The following ADGRB1 variants were observed in gnomAD, a reference collection of about 807,000 sequenced individuals.
The protein encoded by ADGRB1 is adhesion G protein-coupled receptor B1, also known as brain-specific angiogenesis inhibitor 1.
ADGRB1 carries 36 observed loss-of-function variants against 175.7 expected under a neutral mutation model. The observed-to-expected ratio is 0.20, with a 90% CI of 0.16 to 0.27. The LOEUF is 0.27. Ranked by LOEUF, ADGRB1 falls within the 10% of genes least tolerant of loss-of-function variation. The pLI is 1.00. For synonymous variants in ADGRB1, 1,054 were observed against 979.4 expected (o/e 1.08, Z -1.42); for missense variants, 1,731 against 2,255.3 (o/e 0.77, Z 4.71).
In ADGRB1 at chr8:142,510,535, CT is replaced by C. The variant is rs1355980198; in HGVS notation, c.2676-396del. Among the ~76,000 whole-genome samples, 1 of 150,262 alleles carries C rather than the reference CT, an allele frequency of 6.7e-6. No homozygotes were observed. The highest frequency in any genetic ancestry group is 1.5e-5 in the Non-Finnish European group (1 of 67,408). On this transcript the variant is annotated intron_variant, in intron 17 of 30. Transcript: ENST00000517894. The surrounding 1 kb of genome is among the most constrained non-coding windows in gnomAD (Gnocchi z 6.3). ...CCGCTCCACGTGCGCCCACGCGCCC[CT>C]CCGGGCCTCCCCCTCCTTCCCGCGC... is the stretch of plus-strand genomic sequence containing the variant.
intron 25 of ADGRB1, among the ~76,000 whole-genome samples, chr8:142,534,781 A>G (rs905990997): frequency 1.3e-5 from 2 of 152,216 alleles, no homozygotes; most frequent in Non-Finnish European, 2.9e-5. Context: ...GCCCCTTCTT[A>G]TCCTCACCTG....
intron 24 of ADGRB1, among the ~76,000 whole-genome samples, chr8:142,528,139 GCA>G (rs1175757625): frequency 6.6e-6 from 1 of 152,224 alleles, no homozygotes; most frequent in Non-Finnish European, 1.5e-5. Flanking sequence ...ACACGCATGG[GCA>G]CACACACGTG....
At chr8:142,528,472 G>A (rs1043855157) in intron 24 of ADGRB1, among the ~76,000 whole-genome samples, 1 of 152,132 alleles carries the variant, frequency 6.6e-6, no homozygotes, top group Non-Finnish European at 1.5e-5. Flanking sequence ...TTGCACTTTG[G>A]CCCCGCCCCT....
rs1309658105 is a variant in ADGRB1 at position 142,504,870 on chromosome 8, C to T, written c.2676-6062C>T. 6.6e-6 allele frequency among the ~76,000 whole-genome samples: 1 copy of T among 152,096 alleles called. No homozygotes were observed. The highest frequency in any genetic ancestry group is 1.5e-5 in the Non-Finnish European group (1 of 68,002). On this transcript the variant is annotated intron_variant, in intron 17 of 30. Transcript: ENST00000517894. This position sits in a 1 kb window ranked among gnomAD's most constrained non-coding sequence, Gnocchi z 5.6. ...TCCCTGCCTAGCGCCTGAACTCCCC[C>T]ACTGCGGTGTGCTGTGCCCACTCCT...
chr8:142,519,618 GTGA>G (rs1412416754), intron 19 of ADGRB1, among the ~76,000 whole-genome samples: 1 of 151,664 alleles, frequency 6.6e-6, no homozygotes, highest in Non-Finnish European at 1.5e-5. Flanking sequence ...GATGGTGGTG[GTGA>G]TGGTGGTGGT....
intron 18 of ADGRB1, among the ~76,000 whole-genome samples, chr8:142,512,919 G>A (rs930833302): frequency 1.3e-5 from 2 of 152,118 alleles, no homozygotes; most frequent in Non-Finnish European, 2.9e-5. Context: ...GACCCACTAT[G>A]TGCCCCAGTG....
intron 1 of ADGRB1, among the ~76,000 whole-genome samples, chr8:142,454,019 C>T (rs1839513467): frequency 6.6e-6 from 1 of 152,162 alleles, no homozygotes; most frequent in South Asian, 2.1e-4. Context: ...CAGACCTGAG[C>T]CCTGAAGGTC....
intron 24 of ADGRB1, among the ~76,000 whole-genome samples, chr8:142,528,566 C>T (rs764656877): frequency 7.9e-5 from 12 of 152,264 alleles, no homozygotes; most frequent in East Asian, 1.9e-4. Context: ...CGCACCCCCT[C>T]GGGCGCGCCC....
At chr8:142,469,308 T>A (rs1410807863) in intron 2 of ADGRB1, among the ~76,000 whole-genome samples, 1 of 151,374 alleles carries the variant, frequency 6.6e-6, no homozygotes, top group Non-Finnish European at 1.5e-5. Context: ...CGTGCATGTG[T>A]GAATGTAAAT....
intron 24 of ADGRB1, among the ~76,000 whole-genome samples, chr8:142,532,064 G>T (rs1451038099): frequency 2.0e-5 from 3 of 152,168 alleles, no homozygotes; most frequent in Admixed American, 2.0e-4. Context: ...TGGTGTGCCA[G>T]CTCCTGCCTG....
Position 142,542,459 on chromosome 8 carries a change from GC to G in ADGRB1, c.4228del (p.Gln1410SerfsTer58). On this transcript the variant is annotated frameshift_variant, in exon 28 of 31. Transcript: ENST00000517894. LOFTEE classifies it high-confidence loss of function. The surrounding 1 kb of genome is among the most constrained non-coding windows in gnomAD (Gnocchi z 6.3). The part of the protein sequence containing the change: ...PSGGPPEAPP[A>X]QPPPPPPPPP... Reference sequence around the variant, plus strand: ...CGGCGGGCCCCCCGAGGCACCCCCTGCCCAGCCCCCACCGCCTCCGCCCCCA... The same window carrying G: ...CGGCGGGCCCCCCGAGGCACCCCCTGCCAGCCCCCACCGCCTCCGCCCCCA... The G allele has an allele frequency of 2.0e-6, 2 of 1,017,916 alleles. No homozygotes were observed. The highest frequency in any genetic ancestry group is 2.4e-6 in the Non-Finnish European group (2 of 825,258). The allele number at this position is 1,017,916 out of a possible 1,614,324, so 63.1% of individuals were successfully genotyped here. A position where few individuals can be genotyped will look rare whatever the true frequency, so the allele number is the denominator to read the frequency against.
chr8:142,514,432 T>C lies in ADGRB1; in HGVS notation c.2817+3359T>C, dbSNP rs531937284. ...CGGAAGGTTGAGTAACCGCTCTGAG[T>C]CACACCTGTGAGGCGGATGATGCCA... On this transcript the variant is annotated intron_variant, in intron 18 of 30. Coordinates refer to ENST00000517894, the MANE Select transcript of ADGRB1 (RefSeq NM_001702.3). 1.2e-3 allele frequency among the ~76,000 whole-genome samples: 180 copies of C among 152,208 alleles called. 1 individual carries two copies. The Middle Eastern group carries it at 0.024, about 20-fold the overall frequency.
chr8:142,504,765 A>C lies in ADGRB1; in HGVS notation c.2676-6167A>C, dbSNP rs1842775049. On this transcript the variant is annotated intron_variant, in intron 17 of 30. Coordinates refer to ENST00000517894, the MANE Select transcript of ADGRB1 (RefSeq NM_001702.3). The surrounding 1 kb of genome is among the most constrained non-coding windows in gnomAD (Gnocchi z 5.6). ...CGAGCCGCGTGTTGGTTTAAGGGGC[A>C]CTGGGGAGGCCAGCCCATTAAGGCT... is the stretch of plus-strand genomic sequence containing the variant. 6.6e-6 allele frequency among the ~76,000 whole-genome samples: 1 copy of C among 151,978 alleles called. No homozygotes were observed. Among genetic ancestry groups the C allele is most frequent in the South Asian group, 2.1e-4 (1 of 4,826 alleles).
chr8:142,521,862 G>C (rs1434399335), intron 20 of ADGRB1, 103 bp from the exon 21 acceptor site: 11 of 1,359,044 alleles, frequency 8.1e-6, no homozygotes, highest in African/African-American at 1.4e-5. Flanking sequence ...TCCCAGTGAG[G>C]GTGCTGGGTG....
intron 13 of ADGRB1, 123 bp downstream of exon 13, chr8:142,484,887 C>T (rs1478106906): frequency 1.4e-6 from 1 of 733,550 alleles, no homozygotes; most frequent in African/African-American, 1.8e-5. Context: ...GTGGGCCCTC[C>T]CAGCCGATTT....
intron 2 of ADGRB1, among the ~76,000 whole-genome samples, chr8:142,473,284 T>A (rs1050886667): frequency 2.6e-5 from 4 of 152,178 alleles, no homozygotes; most frequent in African/African-American, 2.4e-5. Context: ...CGTGCCACCC[T>A]GACCCATTGT....
At chr8:142,450,828 T>C (rs1410967238) in intron 1 of ADGRB1, among the ~76,000 whole-genome samples, 1 of 152,192 alleles carries the variant, frequency 6.6e-6, no homozygotes, top group Non-Finnish European at 1.5e-5. Flanking sequence ...CGCCTGGCTC[T>C]TCCCTCCTTG....
intron 12 of ADGRB1, among the ~76,000 whole-genome samples, chr8:142,484,399 G>A (rs139679066): frequency 0.012 from 1,795 of 152,278 alleles, 14 homozygotes; most frequent in South Asian, 0.022. Context: ...CTCCTAGCCC[G>A]GGCAGCACCC....
At position 142,526,522 on chromosome 8, in the gene ADGRB1, C is replaced by CCCCCCA; in HGVS notation, c.3313-20_3313-19insCCCCCA. On this transcript the variant is annotated intron_variant, in intron 23 of 30. Transcript: ENST00000517894. Reference sequence around the variant, plus strand: ...ACGGCGGCCCCCACCCCCACACCCCCACCACTCTCTGCCCGGCAGGTGAAC... The same window carrying CCCCCCA: ...ACGGCGGCCCCCACCCCCACACCCCCCCCCCAACCACTCTCTGCCCGGCAGGTGAAC... 4 of 1,543,512 alleles carry CCCCCCA rather than the reference C, an allele frequency of 2.6e-6. No individual in the cohort carries two copies. Among genetic ancestry groups the CCCCCCA allele is most frequent in the Non-Finnish European group, 3.5e-6 (4 of 1,133,002 alleles).
Sources: gnomAD v4.1 joint callset for allele counts (sites outside exome capture counted in the v4.1 genomes callset) on GRCh38, gnomAD v4.1.1 for gene constraint, Gnocchi (gnomAD v3.1) non-coding constraint, MANE v1.5 for transcripts, NCBI Gene and HGNC (gene_info 2026-07-23, HGNC 2026-07-21) for gene names.